The following IL1RAPL1 variants were observed in gnomAD, a reference collection of about 807,000 sequenced individuals.
IL1RAPL1 encodes interleukin-1 receptor accessory protein-like 1.
A neutral mutation model predicts 48.4 loss-of-function variants in IL1RAPL1; 3 were observed. The observed-to-expected ratio is 0.06, with a 90% CI of 0.03 to 0.16. The LOEUF (loss-of-function observed/expected upper bound fraction) is 0.16. Ranked by LOEUF, IL1RAPL1 falls within the 10% of genes least tolerant of loss-of-function variation. The pLI is 1.00. For synonymous variants in IL1RAPL1, 185 were observed against 187.7 expected, an observed-to-expected ratio of 0.99 and a Z score of 0.12; for missense variants, 349 against 530.6, an observed-to-expected ratio of 0.66 and a Z score of 3.36.
At chrX:29,359,403 A>G (rs1933348224) in intron 3 of IL1RAPL1, among the ~76,000 whole-genome samples, 1 of 111,992 alleles carries the variant, frequency 8.9e-6, no homozygotes, top group South Asian at 3.7e-4. Context: ...CTATCAGTCT[A>G]TCACTGTCAG....
chrX:29,388,106 C>CAAAAAAAAA (rs71862742), intron 3 of IL1RAPL1, among the ~76,000 whole-genome samples: 3 of 51,730 alleles, frequency 5.8e-5, no homozygotes, highest in East Asian at 8.6e-4. Context: ...AAGGTTAAGC[C>CAAAAAAAAA]AAAAAAAAAA....
intron 3 of IL1RAPL1, among the ~76,000 whole-genome samples, chrX:29,321,205 T>C (rs978470770): frequency 8.9e-6 from 1 of 112,156 alleles, no homozygotes; most frequent in Admixed American, 9.5e-5. Context: ...TTAACTATTA[T>C]GTGCAGTTGC....
At chrX:29,558,546 C>A (rs1922082051) in intron 5 of IL1RAPL1, among the ~76,000 whole-genome samples, 1 of 111,814 alleles carries the variant, frequency 8.9e-6, no homozygotes, top group Admixed American at 9.5e-5. Context: ...TAGTTTCACA[C>A]AATCCCACCT....
intron 2 of IL1RAPL1, among the ~76,000 whole-genome samples, chrX:29,049,482 A>G (rs894414661): frequency 8.9e-6 from 1 of 112,045 alleles, no homozygotes; most frequent in African/African-American, 3.2e-5. Context: ...GAGTGGTGCA[A>G]TGGAACCGTG....
intron 6 of IL1RAPL1, among the ~76,000 whole-genome samples, chrX:29,832,267 G>A (rs932417764): frequency 6.3e-5 from 7 of 111,977 alleles, no homozygotes; most frequent in African/African-American, 2.3e-4. Context: ...ACTTAAAAGT[G>A]TGCATATTAT....
intron 1 of IL1RAPL1, among the ~76,000 whole-genome samples, chrX:28,670,399 A>C (rs1199744197): frequency 8.9e-6 from 1 of 112,042 alleles, no homozygotes; most frequent in African/African-American, 3.2e-5. Flanking sequence ...TAAGAAGAAG[A>C]AAGCCAGCCT....
intron 6 of IL1RAPL1, among the ~76,000 whole-genome samples, chrX:29,863,436 C>T (rs1931631057): frequency 9.0e-6 from 1 of 111,437 alleles, no homozygotes; most frequent in South Asian, 3.8e-4. Flanking sequence ...GAGTAAATTG[C>T]AAATCCCCTG....
At chrX:29,206,474 C>T (rs1332705775) in intron 2 of IL1RAPL1, among the ~76,000 whole-genome samples, 2 of 111,232 alleles carry the variant, frequency 1.8e-5, no homozygotes, top group African/African-American at 6.5e-5. Context: ...AAGACAATTA[C>T]ATTTGAGATT....
chrX:29,662,495 G>A (rs1925874248), intron 5 of IL1RAPL1, among the ~76,000 whole-genome samples: 1 of 112,002 alleles, frequency 8.9e-6, no homozygotes, highest in Non-Finnish European at 1.9e-5. Flanking sequence ...TGGAATGCAG[G>A]CTTCATGAAA....
At chrX:29,519,254 A>T (rs1935478500) in intron 5 of IL1RAPL1, among the ~76,000 whole-genome samples, 1 of 111,845 alleles carries the variant, frequency 8.9e-6, no homozygotes, top group Non-Finnish European at 1.9e-5. Context: ...CCTGGAATTC[A>T]GCGAAAGGAC....
chrX:29,009,627 G>A (rs771889864), intron 2 of IL1RAPL1, among the ~76,000 whole-genome samples: 1 of 111,810 alleles, frequency 8.9e-6, no homozygotes, highest in East Asian at 2.8e-4. Context: ...GTCTCTTTTT[G>A]TACCAGTACC....
At chrX:29,363,467 A>G (rs1050715775) in intron 3 of IL1RAPL1, among the ~76,000 whole-genome samples, 3 of 111,939 alleles carry the variant, frequency 2.7e-5, no homozygotes, top group African/African-American at 9.7e-5. Flanking sequence ...GAATTTTTGT[A>G]TTTGCATAGA....
intron 5 of IL1RAPL1, among the ~76,000 whole-genome samples, chrX:29,459,292 G>C (rs765806125): frequency 5.6e-4 from 63 of 112,144 alleles, no homozygotes; most frequent in Admixed American, 4.8e-3. Context: ...CAGAAATATA[G>C]ACTCTGTGTA....
Position 29,920,072 on chromosome X carries a change from C to A in IL1RAPL1, c.1035C>A (p.Ala345=), listed in dbSNP as rs371275154. 1.7e-6 allele frequency: 2 copies of A among 1,211,428 alleles called. No individual in the cohort carries two copies. The highest frequency in any genetic ancestry group is 2.2e-6 in the Non-Finnish European group (2 of 895,236). ...YVENGNGRRH[A]SVLLHKRELM... ...AAAATGGAAATGGACGTCGACACGC[C>A]AGCGTTCTCCTTCATAAACGAGGTG... Residue 345 remains alanine, a synonymous_variant, in exon 8 of 11, where the codon GCC becomes GCA. Coordinates refer to ENST00000378993, the MANE Select transcript of IL1RAPL1 (RefSeq NM_014271.4).
In IL1RAPL1 at chrX:29,920,091, C is replaced by G. The variant is rs1569203705; in HGVS notation, c.1054C>G (p.Arg352Gly). ...ACACGCCAGCGTTCTCCTTCATAAA[C>G]GAGGTGAGTGTAACCTTCTAAGCTT... is the stretch of plus-strand genomic sequence containing the variant. ...RRHASVLLHK[R>G]ELMYTVELAG... The change falls in exon 8 of 11, where the codon CGA becomes GGA. Residue 352 changes from arginine (R) to glycine (G), a missense_variant. Arg to Gly is a moderately radical substitution (Grantham distance 125, BLOSUM62 -2). Transcript: ENST00000378993. 1 of 1,209,563 alleles carries G rather than the reference C, an allele frequency of 8.3e-7. No homozygotes were observed. Among genetic ancestry groups the G allele is most frequent in the Non-Finnish European group, 1.1e-6 (1 of 894,953 alleles).
chrX:28,905,505 T>C (rs1273655786), intron 2 of IL1RAPL1, among the ~76,000 whole-genome samples: 1 of 111,882 alleles, frequency 8.9e-6, no homozygotes, highest in Admixed American at 9.5e-5. Flanking sequence ...GATTTAACAA[T>C]GATTTTCCTA....
chrX:28,954,714 C>G (rs942798471), intron 2 of IL1RAPL1, among the ~76,000 whole-genome samples: 3 of 111,327 alleles, frequency 2.7e-5, no homozygotes, highest in African/African-American at 9.8e-5. Flanking sequence ...TTGTCACCTT[C>G]CCCACAATAT....
intron 3 of IL1RAPL1, among the ~76,000 whole-genome samples, chrX:29,367,217 G>A (rs1243502949): frequency 9.0e-6 from 1 of 111,327 alleles, no homozygotes; most frequent in Non-Finnish European, 1.9e-5. Flanking sequence ...TCATTCATTT[G>A]TCCATTATAA....
intron 5 of IL1RAPL1, among the ~76,000 whole-genome samples, chrX:29,639,692 C>G (rs1293114593): frequency 9.1e-6 from 1 of 110,289 alleles, no homozygotes; most frequent in Non-Finnish European, 1.9e-5. Flanking sequence ...TACAGATGAG[C>G]AGAAAAGCAA....
Sources: allele counts gnomAD v4.1 joint callset (sites outside exome capture counted in the v4.1 genomes callset), GRCh38; gene constraint gnomAD v4.1.1; transcripts MANE v1.5; gene names NCBI Gene and HGNC (gene_info 2026-07-23, HGNC 2026-07-21).